The following FHIT variants were observed in gnomAD, a reference collection of about 807,000 sequenced individuals.
The protein encoded by FHIT is fragile histidine triad diadenosine triphosphatase.
Under a neutral mutation model 17.9 loss-of-function variants are expected in FHIT, and 19 were observed. The observed-to-expected ratio is 1.06, with a 90% CI of 0.74 to 1.56. The LOEUF (loss-of-function observed/expected upper bound fraction) is 1.56, where lower values mean the gene tolerates loss of function less well. Among genes scored for constraint, FHIT ranks in the 40% most tolerant of loss-of-function variants. The pLI, the probability that FHIT is intolerant of heterozygous loss-of-function variation, is 0.00. For synonymous variants in FHIT, 81 were observed against 69.7 expected (o/e 1.16, Z -0.81); for missense variants, 248 against 189.2 (o/e 1.31, Z -1.82).
intron 4 of FHIT, among the ~76,000 whole-genome samples, chr3:60,654,441 G>A (rs1553689108): frequency 6.6e-6 from 1 of 152,094 alleles, no homozygotes; most frequent in Non-Finnish European, 1.5e-5. Flanking sequence ...CCAAATGGGA[G>A]CAAAATGGAG....
intron 7 of FHIT, among the ~76,000 whole-genome samples, chr3:59,926,872 T>C (rs191390748): frequency 1.0e-3 from 153 of 152,302 alleles, no homozygotes; most frequent in Middle Eastern, 3.4e-3. Flanking sequence ...CCTACACTAC[T>C]GGGGATGTAA....
At chr3:60,280,502 G>C (rs1280324404) in intron 5 of FHIT, among the ~76,000 whole-genome samples, 1 of 152,068 alleles carries the variant, frequency 6.6e-6, no homozygotes, top group Non-Finnish European at 1.5e-5. Context: ...ATAAGGTAGA[G>C]GCAAAGGTGA....
intron 4 of FHIT, among the ~76,000 whole-genome samples, chr3:60,766,552 C>T (rs968443602): frequency 1.4e-4 from 21 of 152,304 alleles, no homozygotes; most frequent in East Asian, 5.8e-4. Context: ...TATCCATACT[C>T]GAATAATTTT....
intron 5 of FHIT, among the ~76,000 whole-genome samples, chr3:60,088,576 C>A (rs1319029584): frequency 6.6e-6 from 1 of 152,164 alleles, no homozygotes; most frequent in Admixed American, 6.5e-5. Context: ...AAGGTCTCCT[C>A]AGTTTCCACA....
intron 8 of FHIT, among the ~76,000 whole-genome samples, chr3:59,824,225 G>A (rs543135087): frequency 6.6e-6 from 1 of 152,202 alleles, no homozygotes; most frequent in African/African-American, 2.4e-5. Context: ...AAAGAAGGTT[G>A]GAGGAGGGGT....
At chr3:60,993,451 G>A (rs1431584559) in intron 3 of FHIT, among the ~76,000 whole-genome samples, 1 of 152,148 alleles carries the variant, frequency 6.6e-6, no homozygotes. Context: ...ACCCAACAAT[G>A]TTATACCCTC....
intron 3 of FHIT, among the ~76,000 whole-genome samples, chr3:61,008,123 TC>T (rs1161610435): frequency 6.6e-6 from 1 of 152,166 alleles, no homozygotes; most frequent in African/African-American, 2.4e-5. Flanking sequence ...CATCTCCAGT[TC>T]TAGGGAATTC....
chr3:60,084,495 C>T (rs1040539851), intron 5 of FHIT, among the ~76,000 whole-genome samples: 1 of 152,030 alleles, frequency 6.6e-6, no homozygotes, highest in Non-Finnish European at 1.5e-5. Flanking sequence ...GGTGGAAAAA[C>T]ATAATTATAT....
chr3:60,305,144 C>A (rs1708614850), intron 5 of FHIT, among the ~76,000 whole-genome samples: 1 of 151,674 alleles, frequency 6.6e-6, no homozygotes, highest in Non-Finnish European at 1.5e-5. Flanking sequence ...TTTTTTTAAA[C>A]TTTTATAACA....
intron 3 of FHIT, among the ~76,000 whole-genome samples, chr3:60,860,864 A>AT (rs1434406220): frequency 1.1e-5 from 1 of 91,908 alleles, no homozygotes. Context: ...GAACATATGT[A>AT]CATATATATC....
At chr3:61,002,290 G>A (rs2031147393) in intron 3 of FHIT, among the ~76,000 whole-genome samples, 1 of 152,088 alleles carries the variant, frequency 6.6e-6, no homozygotes, top group African/African-American at 2.4e-5. Context: ...TTGAGACAAG[G>A]TCTTGCTCTG....
intron 1 of FHIT, among the ~76,000 whole-genome samples, chr3:61,207,804 G>T (rs1351995797): frequency 1.3e-5 from 2 of 151,986 alleles, no homozygotes; most frequent in Non-Finnish European, 1.5e-5. Flanking sequence ...AGGGTTTTTT[G>T]TGTCTCTATT....
intron 4 of FHIT, among the ~76,000 whole-genome samples, chr3:60,692,690 C>G (rs1160091122): frequency 6.6e-6 from 1 of 152,154 alleles, no homozygotes; most frequent in Non-Finnish European, 1.5e-5. Flanking sequence ...TTCTGACCTC[C>G]CAAACTGTAA....
chr3:60,197,491 G>C (rs1702702082), intron 5 of FHIT, among the ~76,000 whole-genome samples: 1 of 152,142 alleles, frequency 6.6e-6, no homozygotes, highest in African/African-American at 2.4e-5. Flanking sequence ...AAGCAGTTGT[G>C]AAGTGAAAAC....
chr3:60,222,378 C>T (rs1704002667), intron 5 of FHIT, among the ~76,000 whole-genome samples: 1 of 152,200 alleles, frequency 6.6e-6, no homozygotes, highest in Non-Finnish European at 1.5e-5. Context: ...GGTATGGTTT[C>T]TGCCACTTCT....
intron 3 of FHIT, among the ~76,000 whole-genome samples, chr3:60,917,557 C>T (rs1553767349): frequency 1.3e-5 from 2 of 152,254 alleles, no homozygotes; most frequent in Admixed American, 1.3e-4. Context: ...CTCCTCCCTA[C>T]ACTGGCCTCT....
chr3:60,505,965 G>T (rs577628160), intron 5 of FHIT, among the ~76,000 whole-genome samples: 3 of 152,252 alleles, frequency 2.0e-5, no homozygotes, highest in Non-Finnish European at 4.4e-5. Flanking sequence ...TTTTGTAGAA[G>T]AAACTATTAG....
chr3:61,140,510 T>C (rs2037050374), intron 2 of FHIT, among the ~76,000 whole-genome samples: 1 of 152,124 alleles, frequency 6.6e-6, no homozygotes, highest in Non-Finnish European at 1.5e-5. Flanking sequence ...GTGGGTAATC[T>C]CCTTGAGGGC....
intron 5 of FHIT, among the ~76,000 whole-genome samples, chr3:60,274,360 T>C (rs868750619): frequency 6.6e-6 from 1 of 152,138 alleles, no homozygotes; most frequent in Non-Finnish European, 1.5e-5. Context: ...AATATATATA[T>C]CACCATTTAC....
Sources: gnomAD v4.1 joint callset for allele counts (sites outside exome capture counted in the v4.1 genomes callset) on GRCh38, gnomAD v4.1.1 for gene constraint, MANE v1.5 for transcripts, NCBI Gene and HGNC (gene_info 2026-07-23, HGNC 2026-07-21) for gene names.